Variants in SLC38A3 observed in about 807,000 individuals in gnomAD.
SLC38A3 encodes the protein solute carrier family 38 member 3.
Under a neutral mutation model 59.5 loss-of-function variants are expected in SLC38A3, and 17 were observed. That is an observed-to-expected ratio of 0.29 (90% CI 0.20 to 0.43). The LOEUF is 0.43. Ranked by LOEUF, SLC38A3 falls within the 20% of genes least tolerant of loss-of-function variation. SLC38A3 has a pLI of 1.00. For synonymous variants in SLC38A3, 238 were observed against 260.3 expected, an observed-to-expected ratio of 0.91 and a Z score of 0.82; for missense variants, 454 against 653.9, an observed-to-expected ratio of 0.69 and a Z score of 3.33.
chr3:50,214,750 C>T lies in SLC38A3; in HGVS notation c.281C>T (p.Thr94Met), dbSNP rs1322890902. Reference sequence around the variant, plus strand: ...GGACTCGCCTATGCCATGGCCAATACGGGCATTATCCTTTTCCTGTGAGTG... The same window carrying T: ...GGACTCGCCTATGCCATGGCCAATATGGGCATTATCCTTTTCCTGTGAGTG... The part of the protein sequence containing the change: ...ILGLAYAMAN[T>M]GIILFLFLLT... The change falls in exon 4 of 16, where the codon ACG becomes ATG. Residue 94 changes from threonine to methionine, a missense_variant. Thr to Met is a moderately conservative substitution (Grantham distance 81). This residue lies in a region of SLC38A3 where 390 missense variants were observed against 557.9 expected (regional missense o/e 0.70). Transcript: ENST00000614032. The surrounding 1 kb of genome is among the most constrained non-coding windows in gnomAD (Gnocchi z 6.0). The T allele has an allele frequency of 4.3e-6, 7 of 1,609,954 alleles. No homozygotes were observed. The highest frequency in any genetic ancestry group is 1.1e-5 in the South Asian group (1 of 90,594).
chr3:50,218,005 CTG>C lies in SLC38A3; in HGVS notation c.935+12_935+13del, dbSNP rs1429164676. On this transcript the variant is annotated intron_variant, in intron 11 of 15. Coordinates refer to ENST00000614032, the MANE Select transcript of SLC38A3 (RefSeq NM_006841.6). This position sits in a 1 kb window ranked among gnomAD's most constrained non-coding sequence, Gnocchi z 5.8. ...TATACTGAGCTCAAGGAGTAGGTGTCTGTGGCTGGGAGTGGGGGTGGGGATGC... is the reference window on the plus strand; with the variant it reads ...TATACTGAGCTCAAGGAGTAGGTGTCTGGCTGGGAGTGGGGGTGGGGATGC... 6.2e-7 allele frequency: 1 copy of C among 1,613,714 alleles called. No homozygotes were observed. Among genetic ancestry groups the C allele is most frequent in the Non-Finnish European group, 8.5e-7 (1 of 1,179,678 alleles).
chr3:50,216,981 G>A, intron 7 of SLC38A3, among the ~76,000 whole-genome samples: 1 of 152,140 alleles, frequency 6.6e-6, no homozygotes, highest in Non-Finnish European at 1.5e-5. Flanking sequence ...CACCATGTTG[G>A]TCAGGCTGGT....
chr3:50,208,261 CTTTTTT>C (rs11293008), intron 1 of SLC38A3, among the ~76,000 whole-genome samples: 12 of 129,988 alleles, frequency 9.2e-5, no homozygotes, highest in African/African-American at 2.3e-4. Flanking sequence ...AGCTTTCTCT[CTTTTTT>C]TTTTTTTTTT....
chr3:50,206,052 T>C (rs1028092066), intron 1 of SLC38A3, among the ~76,000 whole-genome samples: 3 of 152,152 alleles, frequency 2.0e-5, no homozygotes, highest in Admixed American at 6.5e-5. Context: ...GGGTGTAAGT[T>C]AGAGCCCGCG....
Position 50,215,891 on chromosome 3 carries a change from T to C in SLC38A3, c.548+70T>C. 2 of 22,718 alleles carry C rather than the reference T, an allele frequency of 8.8e-5. No homozygotes were observed. Among genetic ancestry groups the C allele is most frequent in the Non-Finnish European group, 1.8e-4 (2 of 11,356 alleles). 1.4% of individuals were successfully genotyped at this position (22,718 alleles called of 1,614,324 possible). ...GAGGAGGGGTGGGGTGGGGTGGGGC[T>C]GGGTGAGGGTGGGGGGGCCCAGGCT... On this transcript the variant is annotated intron_variant, in intron 7 of 15. Transcript: ENST00000614032. The surrounding 1 kb of genome is among the most constrained non-coding windows in gnomAD (Gnocchi z 7.1).
Position 50,218,718 on chromosome 3 carries a change from G to C in SLC38A3, c.1161+1G>C. 6.2e-7 allele frequency: 1 copy of C among 1,605,692 alleles called. No individual in the cohort carries two copies. The highest frequency in any genetic ancestry group is 8.5e-7 in the Non-Finnish European group (1 of 1,172,856). ...CACAGTGCCCATCGTTCTGTTCCCG[G>C]TGAGCTGGTGGGCAGGTGGCTAGAC... is the stretch of plus-strand genomic sequence containing the variant. On this transcript the variant is annotated splice_donor_variant, in intron 13 of 15. Transcript: ENST00000614032. LOFTEE classifies it high-confidence loss of function. This position sits in a 1 kb window ranked among gnomAD's most constrained non-coding sequence, Gnocchi z 5.8.
At chr3:50,216,756 C>CTTTTGTTTTGT (rs145755097) in intron 7 of SLC38A3, among the ~76,000 whole-genome samples, 6 of 150,666 alleles carry the variant, frequency 4.0e-5, no homozygotes, top group African/African-American at 1.5e-4. Flanking sequence ...AAGGCACGCC[C>CTTTTGTTTTGT]TTTGTTTTGT....
Position 50,217,253 on chromosome 3 carries a change from C to T in SLC38A3, c.564C>T (p.Asn188=), listed in dbSNP as rs778858962. 75 of 1,612,822 alleles carry T rather than the reference C, an allele frequency of 4.7e-5. 1 individual carries two copies. In the Middle Eastern group the frequency reaches 2.3e-3, roughly 50 times the overall value. The change falls in exon 8 of 16, where the codon AAC becomes AAT. Residue 188 remains asparagine, a synonymous_variant. Transcript: ENST00000614032. This position sits in a 1 kb window ranked among gnomAD's most constrained non-coding sequence, Gnocchi z 4.9. ...GTCCCTGCAGGGACTGGTACATGAA[C>T]GGGAACTACCTGGTAATCCTTGTCT... The part of the protein sequence containing the change: ...LEEKTSDWYM[N]GNYLVILVSV...
Position 50,218,432 on chromosome 3 carries a change from C to T in SLC38A3, c.1036+62C>T. On this transcript the variant is annotated intron_variant, in intron 12 of 15. Transcript: ENST00000614032. This position sits in a 1 kb window ranked among gnomAD's most constrained non-coding sequence, Gnocchi z 5.8. ...CTGGGGGGAAGGGGCTGGTTGTGGC[C>T]ATGGTGCCCTCCATACCGAGGCGTG... 3.9e-6 allele frequency: 6 copies of T among 1,526,326 alleles called. No homozygotes were observed. Among genetic ancestry groups the T allele is most frequent in the Non-Finnish European group, 5.5e-6 (6 of 1,100,750 alleles). 94.5% of individuals were successfully genotyped at this position (1,526,326 alleles called of 1,614,324 possible).
chr3:50,214,500 C>A lies in SLC38A3; in HGVS notation c.183+17C>A. On this transcript the variant is annotated intron_variant, in intron 3 of 15. Transcript: ENST00000614032. This position sits in a 1 kb window ranked among gnomAD's most constrained non-coding sequence, Gnocchi z 6.0. ...TTCACTGACGTGAGCAGGGCAGCAA[C>A]GGGTTTTAGGGGACACTGTGGGGAG... The A allele has an allele frequency of 6.4e-7, 1 of 1,556,202 alleles. No individual in the cohort carries two copies. Among genetic ancestry groups the A allele is most frequent in the Non-Finnish European group, 8.7e-7 (1 of 1,149,178 alleles).
At chr3:50,210,106 A>T (rs776294810) in intron 1 of SLC38A3, among the ~76,000 whole-genome samples, 13 of 152,174 alleles carry the variant, frequency 8.5e-5, no homozygotes, top group Non-Finnish European at 2.9e-5. Flanking sequence ...AAATGTCTCC[A>T]TTGGATCTGG....
Position 50,220,242 on chromosome 3 carries a change from TC to T in SLC38A3, c.*68del. The T allele has an allele frequency of 8.0e-7, 1 of 1,247,594 alleles. No individual in the cohort carries two copies. The allele number at this position is 1,247,594 out of a possible 1,614,324, so 77.3% of individuals were successfully genotyped here. On this transcript the variant is annotated 3_prime_UTR_variant, in exon 16 of 16. Coordinates refer to ENST00000614032, the MANE Select transcript of SLC38A3 (RefSeq NM_006841.6). ...CCTGCCCAGACTCTTCAGCCCCTGC[TC>T]CCATCCAGTGGCCAGTCGGGGGAGG...
rs201332980 is a variant in SLC38A3, at chr3:50,215,482, A to C, written c.373+23A>C. 1.6e-3 allele frequency: 2,606 copies of C among 1,613,476 alleles called. 1 individual carries two copies. Among genetic ancestry groups the C allele is most frequent in the Non-Finnish European group, 2.0e-3 (2,325 of 1,179,444 alleles). On this transcript the variant is annotated intron_variant, in intron 5 of 15. Transcript: ENST00000614032. The surrounding 1 kb of genome is among the most constrained non-coding windows in gnomAD (Gnocchi z 7.1). ...TGGGTGAGCCTCACACCAGCCTGGA[A>C]TGGGCGGGAGCTGGTGGGTAAACTG...
rs1699846913 is a variant in SLC38A3, at chr3:50,218,159, C to A, written c.936-111C>A. ...GTGATTATGAGCAAGAAGGAGACTC[C>A]CTCAGATGCTGAATGGTGAAAGTAT... On this transcript the variant is annotated intron_variant, in intron 11 of 15. Transcript: ENST00000614032. The surrounding 1 kb of genome is among the most constrained non-coding windows in gnomAD (Gnocchi z 5.8). 1 of 1,048,996 alleles carries A rather than the reference C, an allele frequency of 9.5e-7. No homozygotes were observed. The highest frequency in any genetic ancestry group is 1.9e-5 in the Admixed American group (1 of 53,386). 65.0% of individuals were successfully genotyped at this position (1,048,996 alleles called of 1,614,324 possible). A position where few individuals can be genotyped will look rare whatever the true frequency, so the allele number is the denominator to read the frequency against.
rs1198915972 is a variant in SLC38A3 at position 50,217,848 on chromosome 3, C to G, written c.855+8C>G. The G allele has an allele frequency of 6.2e-7, 1 of 1,613,952 alleles. No individual in the cohort carries two copies. Among genetic ancestry groups the G allele is most frequent in the East Asian group, 2.2e-5 (1 of 44,906 alleles). ...TTCACGCTCAACTCACAGGTTCTGA[C>G]AGGTCAGGGCAAGGCGGGGGCCCAA... is the stretch of plus-strand genomic sequence containing the variant. On this transcript the variant is annotated splice_region_variant and intron_variant, in intron 10 of 15. Transcript: ENST00000614032. This position sits in a 1 kb window ranked among gnomAD's most constrained non-coding sequence, Gnocchi z 4.9.
chr3:50,219,806 A>G (rs2109159792), intron 14 of SLC38A3, 75 bp from the exon 15 acceptor site: 1 of 1,233,738 alleles, frequency 8.1e-7, no homozygotes. Context: ...GTTTGATCTC[A>G]TTGAAGAGTC....
intron 1 of SLC38A3, among the ~76,000 whole-genome samples, chr3:50,208,419 T>C (rs912217873): frequency 6.6e-6 from 1 of 152,110 alleles, no homozygotes; most frequent in Non-Finnish European, 1.5e-5. Context: ...CCTGCCACCA[T>C]GCCTGGATAA....
At chr3:50,205,983 TG>T (rs1457546981) in intron 1 of SLC38A3, among the ~76,000 whole-genome samples, 1 of 152,170 alleles carries the variant, frequency 6.6e-6, no homozygotes, top group East Asian at 1.9e-4. Context: ...AGGGCGCGAG[TG>T]GCTCCCTGAC....
At chr3:50,207,687 G>A (rs1699665477) in intron 1 of SLC38A3, 1 of 152,308 alleles carries the variant, frequency 6.6e-6, no homozygotes, top group African/African-American at 2.4e-5. Context: ...AGTGGGTGAA[G>A]GGTAGGCCTT....
Sources: allele counts gnomAD v4.1 joint callset (sites outside exome capture counted in the v4.1 genomes callset), GRCh38; gene constraint gnomAD v4.1.1; regional missense constraint gnomAD v4.1.1; non-coding constraint Gnocchi (gnomAD v3.1); transcripts MANE v1.5; gene names NCBI Gene and HGNC (gene_info 2026-07-23, HGNC 2026-07-21).